RGS9: variants seen among roughly 807,000 people sequenced by gnomAD.
RGS9 encodes the protein regulator of G protein signaling 9, also known as regulator of G-protein signalling 9.
In RGS9, 78 loss-of-function variants were observed where a neutral mutation model predicts 102.0. The ratio of observed to expected loss-of-function variants is 0.76; its 90% CI spans 0.64 to 0.92. The LOEUF is 0.92. RGS9 is among the 40% of genes least tolerant of loss of function. The pLI, the probability that RGS9 is intolerant of heterozygous loss-of-function variation, is 0.00. For synonymous variants in RGS9, 353 were observed against 318.6 expected (o/e 1.11, Z -1.15); for missense variants, 833 against 866.1 (o/e 0.96, Z 0.48).
At chr17:65,158,525 G>A in intron 3 of RGS9, 180 bp downstream of exon 3, 1 of 695,206 alleles carries the variant, frequency 1.4e-6, no homozygotes. Context: ...GGGGACGAAA[G>A]AGTTATTTTG....
intron 17 of RGS9, among the ~76,000 whole-genome samples, chr17:65,218,989 A>G (rs141630968): frequency 5.0e-4 from 76 of 152,358 alleles, no homozygotes; most frequent in Middle Eastern, 6.8e-3. Context: ...AGGGTTGGCA[A>G]GGACTGCTAG....
chr17:65,198,535 C>T (rs955687851), intron 13 of RGS9, among the ~76,000 whole-genome samples: 7 of 152,206 alleles, frequency 4.6e-5, no homozygotes, highest in South Asian at 4.1e-4. Flanking sequence ...GGATTACAGG[C>T]GTGAGCCACT....
At chr17:65,153,992 C>T (rs892165819) in intron 2 of RGS9, among the ~76,000 whole-genome samples, 3 of 152,160 alleles carry the variant, frequency 2.0e-5, no homozygotes, top group African/African-American at 7.2e-5. Flanking sequence ...GCTGCTCTTA[C>T]ACTACAATGG....
At chr17:65,164,473 A>T (rs1911100018) in intron 7 of RGS9, among the ~76,000 whole-genome samples, 2 of 152,012 alleles carry the variant, frequency 1.3e-5, no homozygotes, top group Non-Finnish European at 2.9e-5. Flanking sequence ...AAAACCGATG[A>T]TCCCCCCAGT....
chr17:65,175,501 A>G (rs927092935), intron 8 of RGS9, among the ~76,000 whole-genome samples: 17 of 152,122 alleles, frequency 1.1e-4, no homozygotes, highest in Admixed American at 1.1e-3. Context: ...TGTGTGATTA[A>G]TTGCTGAGTG....
At chr17:65,161,883 A>G (rs915996778) in intron 6 of RGS9, among the ~76,000 whole-genome samples, 1 of 150,964 alleles carries the variant, frequency 6.6e-6, no homozygotes, top group African/African-American at 2.4e-5. Context: ...TAATTTTTGT[A>G]TTTTTTGTAG....
intron 13 of RGS9, among the ~76,000 whole-genome samples, 172 bp from the exon 14 acceptor site, chr17:65,201,821 G>A (rs967295446): frequency 6.6e-6 from 1 of 152,216 alleles, no homozygotes; most frequent in Non-Finnish European, 1.5e-5. Flanking sequence ...TCCCCAAGGA[G>A]TATTGTTGTC....
In RGS9 at chr17:65,160,909, G is replaced by A. The variant is rs777709759; in HGVS notation, c.423G>A (p.Lys141=). The change falls in exon 6 of 19, where the codon AAG becomes AAA. Residue 141 remains lysine (K), a splice_region_variant and synonymous_variant. Transcript: ENST00000262406. The stretch of plus-strand genomic sequence containing the variant: ...AAGGGATTTTGGAAGAATATGAAAA[G>A]GTATGGAGGTGCTTTTAAGTAGAGG... ...KKKGILEEYE[K]ENYNFLNQKM... The A allele has an allele frequency of 9.9e-6, 16 of 1,611,762 alleles. No homozygotes were observed. The highest frequency in any genetic ancestry group is 1.3e-5 in the Non-Finnish European group (15 of 1,177,886).
intron 17 of RGS9, among the ~76,000 whole-genome samples, chr17:65,217,116 C>A (rs1044702963): frequency 1.3e-5 from 2 of 150,318 alleles, no homozygotes; most frequent in Admixed American, 6.6e-5. Flanking sequence ...GTGGGGGATA[C>A]GGGTGGGTGG....
At chr17:65,144,508 G>T (rs1318711274) in intron 1 of RGS9, among the ~76,000 whole-genome samples, 2 of 152,360 alleles carry the variant, frequency 1.3e-5, no homozygotes, top group Admixed American at 1.3e-4. Flanking sequence ...CCGACACGGG[G>T]TCAGACAGGG....
intron 13 of RGS9, among the ~76,000 whole-genome samples, chr17:65,197,798 T>A (rs1034941537): frequency 1.3e-5 from 2 of 151,988 alleles, no homozygotes; most frequent in Non-Finnish European, 2.9e-5. Flanking sequence ...GCCTCCCAAG[T>A]AGCTGGCGTT....
intron 1 of RGS9, among the ~76,000 whole-genome samples, chr17:65,141,401 G>A (rs189891435): frequency 5.3e-5 from 8 of 152,314 alleles, no homozygotes; most frequent in East Asian, 1.9e-4. Flanking sequence ...GACTTTCTTG[G>A]AGAAGCCTTC....
intron 18 of RGS9, 97 bp from the exon 19 acceptor site, chr17:65,227,178 T>C: frequency 1.3e-6 from 2 of 1,556,090 alleles, no homozygotes; most frequent in Non-Finnish European, 8.9e-7. Flanking sequence ...CAAATGCACC[T>C]GGTATGTTCA....
At chr17:65,203,802 C>T (rs1912943640) in intron 14 of RGS9, among the ~76,000 whole-genome samples, 1 of 152,216 alleles carries the variant, frequency 6.6e-6, no homozygotes, top group Non-Finnish European at 1.5e-5. Flanking sequence ...GTGTCTTAGC[C>T]TGGTCCCAGG....
chr17:65,199,138 GA>G (rs1163679103), intron 13 of RGS9, among the ~76,000 whole-genome samples: 1 of 152,136 alleles, frequency 6.6e-6, no homozygotes, highest in Non-Finnish European at 1.5e-5. Flanking sequence ...TTTTTAAAAA[GA>G]TTTTTAAATT....
intron 17 of RGS9, among the ~76,000 whole-genome samples, chr17:65,223,152 A>C (rs1181207865): frequency 6.6e-6 from 1 of 152,240 alleles, no homozygotes; most frequent in Admixed American, 6.5e-5. Context: ...TGCAATTATA[A>C]TAGTTATTGC....
At chr17:65,194,620 C>T (rs900533338) in intron 12 of RGS9, among the ~76,000 whole-genome samples, 1 of 152,100 alleles carries the variant, frequency 6.6e-6, no homozygotes, top group African/African-American at 2.4e-5. Flanking sequence ...CTCACTGGAC[C>T]TGCACGCTTG....
At position 65,224,646 on chromosome 17, in the gene RGS9, T is replaced by C. The variant is rs77826384; in HGVS notation, c.1408-356T>C. 4.4e-3 allele frequency among the ~76,000 whole-genome samples: 667 copies of C among 152,290 alleles called. 3 individuals are homozygous for C. Among genetic ancestry groups the C allele is most frequent in the East Asian group, 0.025 (127 of 5,170 alleles). Reference sequence around the variant, plus strand: ...GCAGGGCATGGGCTGTGGCAGGTACTATGCATTGCTCATTTGGGGACTGGA... The same window carrying C: ...GCAGGGCATGGGCTGTGGCAGGTACCATGCATTGCTCATTTGGGGACTGGA... On this transcript the variant is annotated intron_variant, in intron 17 of 18. Coordinates refer to ENST00000262406, the MANE Select transcript of RGS9 (RefSeq NM_003835.4).
chr17:65,176,506 G>A (rs73347619), intron 8 of RGS9, among the ~76,000 whole-genome samples: 4 of 152,126 alleles, frequency 2.6e-5, no homozygotes, highest in African/African-American at 4.8e-5. Flanking sequence ...GCACCCAGAC[G>A]TGCCTGACAA....
Sources: allele counts gnomAD v4.1 joint callset (sites outside exome capture counted in the v4.1 genomes callset), GRCh38; gene constraint gnomAD v4.1.1; transcripts MANE v1.5; gene names NCBI Gene and HGNC (gene_info 2026-07-23, HGNC 2026-07-21).